RIMS3: variants seen among roughly 807,000 people sequenced by gnomAD.
RIMS3 encodes the protein regulating synaptic membrane exocytosis 3, also known as regulating synaptic membrane exocytosis protein 3.
RIMS3 carries 15 observed loss-of-function variants against 29.2 expected under a neutral mutation model. That is an observed-to-expected ratio of 0.51 (90% CI 0.34 to 0.79). The LOEUF (loss-of-function observed/expected upper bound fraction) is 0.79. RIMS3 is among the 30% of genes least tolerant of loss of function. The pLI, the probability that RIMS3 is intolerant of heterozygous loss-of-function variation, is 0.01. For missense variants in RIMS3, 342 were observed against 421.4 expected (o/e 0.81, Z 1.65); for synonymous variants, 161 against 170.1 (o/e 0.95, Z 0.41).
At chr1:40,652,762 A>G (rs977416658) in intron 1 of RIMS3, among the ~76,000 whole-genome samples, 3 of 152,266 alleles carry the variant, frequency 2.0e-5, no homozygotes, top group African/African-American at 7.2e-5. Context: ...GACATGATTT[A>G]GATGTAATGC....
At chr1:40,675,117 T>A in the RIMS3 span, among the ~76,000 whole-genome samples, 3 of 152,082 alleles carry the variant, frequency 2.0e-5, no homozygotes, top group African/African-American at 4.8e-5. Context: ...AAATTTTTTT[T>A]AATTAGCCAA....
rs867127120 is a variant in RIMS3 at position 40,626,380 on chromosome 1, C to T, written c.*137G>A. ...CACACACTACAGTCTCCACTGCCAG[C>T]TGGGATGAGCCCAGTAGCCAACAGG... is the stretch of plus-strand genomic sequence containing the variant. On this transcript the variant is annotated 3_prime_UTR_variant, in exon 8 of 8. Coordinates refer to ENST00000372684, the MANE Select transcript of RIMS3 (RefSeq NM_014747.3). 48 of 798,836 alleles carry T rather than the reference C, an allele frequency of 6.0e-5. No homozygotes were observed. In the Middle Eastern group the frequency reaches 1.0e-3, roughly 17 times the overall value. 49.5% of individuals were successfully genotyped at this position (798,836 alleles called of 1,614,324 possible).
chr1:40,671,551 A>G, the RIMS3 span, among the ~76,000 whole-genome samples: 25 of 151,922 alleles, frequency 1.6e-4, no homozygotes, highest in African/African-American at 5.8e-4. Context: ...TTCTCATGAG[A>G]TCCAGTTGTT....
chr1:40,675,439 T>C, the RIMS3 span, among the ~76,000 whole-genome samples: 12 of 151,778 alleles, frequency 7.9e-5, no homozygotes, highest in African/African-American at 2.9e-4. Flanking sequence ...CTAAGCAACA[T>C]GGCAAAGCCC....
At position 40,621,614 on chromosome 1, in the gene RIMS3, C is replaced by T. The variant is rs577562644; in HGVS notation, c.*4903G>A. ...GGAATCATGGGGAGAGCAGCTAATGCTCTGATTTTGCAGATGAGGAAGTTG... is the reference window on the plus strand; with the variant it reads ...GGAATCATGGGGAGAGCAGCTAATGTTCTGATTTTGCAGATGAGGAAGTTG... On this transcript the variant is annotated 3_prime_UTR_variant, in exon 8 of 8. Transcript: ENST00000372684. The T allele has an allele frequency of 6.6e-6, 1 of 152,296 alleles. No homozygotes were observed. The allele number at this position is 152,296 out of a possible 1,614,324, so 9.4% of individuals were successfully genotyped here. A position where few individuals can be genotyped will look rare whatever the true frequency, so the allele number is the denominator to read the frequency against.
Position 40,623,053 on chromosome 1 carries a change from G to A in RIMS3, c.*3464C>T, listed in dbSNP as rs1646432399. 1 of 213,386 alleles carries A rather than the reference G, an allele frequency of 4.7e-6. No individual in the cohort carries two copies. The highest frequency in any genetic ancestry group is 9.2e-6 in the Non-Finnish European group (1 of 108,448). 13.2% of individuals were successfully genotyped at this position (213,386 alleles called of 1,614,324 possible). On this transcript the variant is annotated 3_prime_UTR_variant, in exon 8 of 8. Transcript: ENST00000372684. ...TCCCTGGTGGGTGGCATGACCATGG[G>A]AGGACTGGCTTGACCTCAGTGTTCT...
rs749750482 is a variant in RIMS3, at chr1:40,635,866, C to T, written c.359+50G>A. ...CCCACCCTGCCCAGTGGCTCTGTGA[C>T]TGGAGGACCGAGGAGGAGGGAGGGG... On this transcript the variant is annotated intron_variant, in intron 4 of 7. Transcript: ENST00000372684. This position sits in a 1 kb window ranked among gnomAD's most constrained non-coding sequence, Gnocchi z 4.1. 2 of 1,599,042 alleles carry T rather than the reference C, an allele frequency of 1.3e-6. No homozygotes were observed. Among genetic ancestry groups the T allele is most frequent in the East Asian group, 2.2e-5 (1 of 44,616 alleles).
chr1:40,646,805 G>C (rs1646598866), intron 2 of RIMS3, among the ~76,000 whole-genome samples: 3 of 151,926 alleles, frequency 2.0e-5, no homozygotes. Flanking sequence ...CCTGAATCCT[G>C]ACAACAGCAG....
the RIMS3 span, among the ~76,000 whole-genome samples, chr1:40,675,485 C>T: frequency 2.0e-5 from 3 of 151,830 alleles, no homozygotes; most frequent in Admixed American, 6.6e-5. Flanking sequence ...AGGCTGGGTA[C>T]GGTGGCTCAT....
Position 40,636,122 on chromosome 1 carries a change from AAG to A in RIMS3, c.218-67_218-66del. ...GTCAGATTATGAATGGGGCTTCTCT[AAG>A]AGTCCTGCCAAAGTCACTCTCTTGG... On this transcript the variant is annotated intron_variant, in intron 3 of 7. Transcript: ENST00000372684. The surrounding 1 kb of genome is among the most constrained non-coding windows in gnomAD (Gnocchi z 4.2). 2 of 1,582,056 alleles carry A rather than the reference AAG, an allele frequency of 1.3e-6. No homozygotes were observed. The highest frequency in any genetic ancestry group is 1.7e-6 in the Non-Finnish European group (2 of 1,165,046).
chr1:40,683,702 A>G, the RIMS3 span, among the ~76,000 whole-genome samples: 1 of 152,384 alleles, frequency 6.6e-6, no homozygotes, highest in South Asian at 2.1e-4. Flanking sequence ...TGCACTAACC[A>G]TCTTTCAAAT....
chr1:40,683,963 A>G, the RIMS3 span, among the ~76,000 whole-genome samples: 1 of 152,192 alleles, frequency 6.6e-6, no homozygotes, highest in Non-Finnish European at 1.5e-5. Context: ...CTTCATTCAT[A>G]GAGTTACAGT....
chr1:40,662,989 ACCT>A (rs980161600), intron 1 of RIMS3, among the ~76,000 whole-genome samples: 2 of 151,870 alleles, frequency 1.3e-5, no homozygotes, highest in African/African-American at 2.4e-5. Flanking sequence ...CAGCAAGCTC[ACCT>A]CCAACCAGAG....
chr1:40,670,574 T>TATATATATATATATATA (rs1642479702), upstream of RIMS3, among the ~76,000 whole-genome samples: 5 of 71,190 alleles, frequency 7.0e-5, no homozygotes, highest in East Asian at 4.3e-4. Context: ...AGTTATAATT[T>TATATATATATATATATA]TATATATATA....
At chr1:40,660,713 C>T (rs1319997282) in intron 1 of RIMS3, among the ~76,000 whole-genome samples, 2 of 151,744 alleles carry the variant, frequency 1.3e-5, no homozygotes, top group Non-Finnish European at 2.9e-5. Flanking sequence ...ATCTTCAACC[C>T]AGAAGAGATC....
intron 5 of RIMS3, among the ~76,000 whole-genome samples, chr1:40,631,571 CG>C (rs1646489645): frequency 6.6e-6 from 1 of 152,050 alleles, no homozygotes; most frequent in African/African-American, 2.4e-5. Flanking sequence ...CCCAGCTACT[CG>C]GGAGGCTGAG....
the RIMS3 span, among the ~76,000 whole-genome samples, chr1:40,676,034 G>T: frequency 5.3e-5 from 8 of 152,182 alleles, no homozygotes; most frequent in African/African-American, 1.9e-4. Flanking sequence ...TGTAGGTAGA[G>T]GGGGAAGGAG....
intron 1 of RIMS3, among the ~76,000 whole-genome samples, chr1:40,653,453 GA>G (rs1642225276): frequency 6.6e-6 from 1 of 152,148 alleles, no homozygotes; most frequent in African/African-American, 2.4e-5. Context: ...CCCAGCTCAG[GA>G]TGCAGGAGGG....
intron 7 of RIMS3, among the ~76,000 whole-genome samples, chr1:40,628,061 CCAT>C (rs1646466080): frequency 6.6e-6 from 1 of 152,210 alleles, no homozygotes; most frequent in African/African-American, 2.4e-5. Flanking sequence ...GCAGCCACCA[CCAT>C]GATTGTTAAT....
Sources: allele counts gnomAD v4.1 joint callset (sites outside exome capture counted in the v4.1 genomes callset), GRCh38; gene constraint gnomAD v4.1.1; non-coding constraint Gnocchi (gnomAD v3.1); transcripts MANE v1.5; gene names NCBI Gene and HGNC (gene_info 2026-07-23, HGNC 2026-07-21).